SPATA9: variants seen among roughly 807,000 people sequenced by gnomAD.
SPATA9 encodes the protein spermatogenesis associated 9.
A neutral mutation model predicts 25.5 loss-of-function variants in SPATA9; 27 were observed. That is an observed-to-expected ratio of 1.06 (90% CI 0.78 to 1.46). The LOEUF (loss-of-function observed/expected upper bound fraction) is 1.46. Ranked by LOEUF, SPATA9 falls within the 40% of genes most tolerant of loss-of-function variation. The probability of loss-of-function intolerance (pLI) is 0.00; values close to 1 mark genes in which losing one functional copy is unlikely to be tolerated. For synonymous variants in SPATA9, 102 were observed against 105.7 expected, an observed-to-expected ratio of 0.97 and a Z score of 0.21; for missense variants, 282 against 297.5, an observed-to-expected ratio of 0.95 and a Z score of 0.38.
intron 2 of SPATA9, among the ~76,000 whole-genome samples, chr5:95,679,924 A>G (rs153908): frequency 0.99 from 151,192 of 152,394 alleles, 75,001 homozygotes; most frequent in East Asian, 1. Context: ...TTGAGACGGA[A>G]TCTCGCTCTG....
intron 4 of SPATA9, 40 bp downstream of exon 4, chr5:95,663,909 ATAAG>A: frequency 8.7e-7 from 1 of 1,148,728 alleles, no homozygotes; most frequent in Non-Finnish European, 1.2e-6. Context: ...ATTACACAAA[ATAAG>A]TAGATTTATT....
downstream of SPATA9, chr5:95,652,562 T>A: frequency 2.2e-6 from 1 of 445,462 alleles, no homozygotes; most frequent in Non-Finnish European, 3.8e-6. Flanking sequence ...ACAGTTCACC[T>A]AGCTGCACAA....
the SPATA9 span, chr5:95,732,027 G>C: frequency 6.2e-7 from 1 of 1,614,084 alleles, no homozygotes; most frequent in East Asian, 2.2e-5. Flanking sequence ...TGTTCACCGA[G>C]TATCAGGCCA....
At chr5:95,675,251 C>T (rs1444085642) in intron 3 of SPATA9, among the ~76,000 whole-genome samples, 161 bp downstream of exon 3, 3 of 152,274 alleles carry the variant, frequency 2.0e-5, no homozygotes, top group Admixed American at 6.5e-5. Context: ...AAAAAGTCCA[C>T]GTTGCACTAT....
At chr5:95,655,073 A>T (rs552922763), downstream of SPATA9, among the ~76,000 whole-genome samples, 1 of 152,256 alleles carries the variant, frequency 6.6e-6, no homozygotes, top group South Asian at 2.1e-4. Flanking sequence ...AACCGATGCA[A>T]AGTACAAGCT....
At chr5:95,708,387 T>A in the SPATA9 span, among the ~76,000 whole-genome samples, 2 of 152,162 alleles carry the variant, frequency 1.3e-5, no homozygotes, top group South Asian at 4.1e-4. Flanking sequence ...TGACATGCCA[T>A]AATATTATTG....
chr5:95,654,928 A>C (rs1750645424), downstream of SPATA9, among the ~76,000 whole-genome samples: 2 of 152,082 alleles, frequency 1.3e-5, no homozygotes, highest in Admixed American at 6.6e-5. Context: ...ATACAGTATA[A>C]ATATATTTTT....
chr5:95,690,559 T>C (rs1490216013), intron 1 of SPATA9, among the ~76,000 whole-genome samples: 2 of 152,204 alleles, frequency 1.3e-5, no homozygotes, highest in African/African-American at 4.8e-5. Context: ...TGTGATGATT[T>C]GGGCTTTGCA....
chr5:95,716,896 C>A, the SPATA9 span: 1 of 152,198 alleles, frequency 6.6e-6, no homozygotes, highest in South Asian at 2.1e-4. Context: ...AAGGGCAATT[C>A]TCCTGCACAT....
chr5:95,683,517 G>C (rs1273701454), upstream of SPATA9, among the ~76,000 whole-genome samples: 1 of 152,034 alleles, frequency 6.6e-6, no homozygotes, highest in Non-Finnish European at 1.5e-5. Flanking sequence ...TGACTGCCTA[G>C]TTTTATATAT....
upstream of SPATA9, among the ~76,000 whole-genome samples, chr5:95,699,003 G>T (rs1490613654): frequency 2.6e-5 from 4 of 152,180 alleles, no homozygotes; most frequent in East Asian, 7.7e-4. Flanking sequence ...AATGGAAGGC[G>T]CAGGCTTGAA....
At position 95,675,440 on chromosome 5, in the gene SPATA9, G is replaced by C. The variant is rs547580466; in HGVS notation, c.350C>G (p.Ala117Gly). 6.2e-7 allele frequency: 1 copy of C among 1,614,048 alleles called. No homozygotes were observed. ...AATGTTATATAGGGGTTGCCTCGGC[G>C]CATTAACTTCCCTCAGCAGACGACC... ...ISGRLLREVNAPRQPLYNIQV... is the reference protein window; with the variant it reads ...ISGRLLREVNGPRQPLYNIQV... The change falls in exon 3 of 5, where the codon GCG (alanine) becomes GGG (glycine). Residue 117 changes from alanine (A) to glycine (G), a missense_variant. Coordinates refer to ENST00000274432, the MANE Select transcript of SPATA9 (RefSeq NM_031952.4).
intron 3 of SPATA9, among the ~76,000 whole-genome samples, chr5:95,669,343 G>A (rs1752130417): frequency 6.6e-6 from 1 of 152,068 alleles, no homozygotes; most frequent in Admixed American, 6.5e-5. Context: ...GGCCCATGTG[G>A]GACCTACAGA....
intron 2 of SPATA9, among the ~76,000 whole-genome samples, chr5:95,678,590 G>A (rs1753154489): frequency 6.6e-6 from 1 of 152,098 alleles, no homozygotes; most frequent in African/African-American, 2.4e-5. Context: ...ATGCCTGGGT[G>A]GCGCGGGGGA....
At chr5:95,698,017 C>T (rs1754079804) in intron 1 of SPATA9, among the ~76,000 whole-genome samples, 1 of 152,050 alleles carries the variant, frequency 6.6e-6, no homozygotes, top group Non-Finnish European at 1.5e-5. Flanking sequence ...TATTTAATTA[C>T]ATGGAATGTT....
At position 95,682,629 on chromosome 5, in the gene SPATA9, G is replaced by A; in HGVS notation, c.62-13C>T. On this transcript the variant is annotated splice_polypyrimidine_tract_variant and intron_variant, in intron 1 of 4. Coordinates refer to ENST00000274432, the MANE Select transcript of SPATA9 (RefSeq NM_031952.4). Reference sequence around the variant, plus strand: ...TGGATCCCCTCGACTAAGACAAAAAGAGGTTAGGAAAAAGAAAACTTTGAA... The same window carrying A: ...TGGATCCCCTCGACTAAGACAAAAAAAGGTTAGGAAAAAGAAAACTTTGAA... The A allele has an allele frequency of 1.9e-6, 3 of 1,602,588 alleles. No individual in the cohort carries two copies. The highest frequency in any genetic ancestry group is 2.6e-6 in the Non-Finnish European group (3 of 1,175,002).
At chr5:95,692,673 A>G (rs766680686) in intron 1 of SPATA9, among the ~76,000 whole-genome samples, 2 of 152,042 alleles carry the variant, frequency 1.3e-5, no homozygotes, top group Non-Finnish European at 2.9e-5. Context: ...GTTCTTTTCA[A>G]TGCTTCCTTT....
downstream of SPATA9, among the ~76,000 whole-genome samples, chr5:95,653,685 G>A (rs1750508004): frequency 6.6e-6 from 1 of 152,146 alleles, no homozygotes; most frequent in African/African-American, 2.4e-5. Context: ...GATTACTTGA[G>A]GTCAGGAGTT....
chr5:95,669,347 C>T (rs1423344), intron 3 of SPATA9, among the ~76,000 whole-genome samples: 1 of 152,102 alleles, frequency 6.6e-6, no homozygotes, highest in Non-Finnish European at 1.5e-5. Flanking sequence ...CATGTGGGAC[C>T]TACAGAACTT....
Sources: gnomAD v4.1 joint callset for allele counts (sites outside exome capture counted in the v4.1 genomes callset) on GRCh38, gnomAD v4.1.1 for gene constraint, MANE v1.5 for transcripts, NCBI Gene and HGNC (gene_info 2026-07-23, HGNC 2026-07-21) for gene names.